Variants in RIMS1 observed in about 807,000 individuals in gnomAD.
RIMS1 encodes regulating synaptic membrane exocytosis 1, also known as regulating synaptic membrane exocytosis protein 1.
A neutral mutation model predicts 214.1 loss-of-function variants in RIMS1; 83 were observed. The observed-to-expected ratio is 0.39, with a 90% CI of 0.32 to 0.47. The LOEUF (loss-of-function observed/expected upper bound fraction) is 0.47, where lower values mean the gene tolerates loss of function less well. Among genes scored for constraint, RIMS1 ranks in the 20% least tolerant of loss-of-function variants. The probability of loss-of-function intolerance (pLI) is 0.99; values close to 1 mark genes in which losing one functional copy is unlikely to be tolerated. For missense variants in RIMS1, 2,050 were observed against 2,161.8 expected (o/e 0.95, Z 1.03); for synonymous variants, 793 against 786.8 (o/e 1.01, Z -0.13).
At chr6:72,309,472 T>G (rs2095404292) in intron 27 of RIMS1, among the ~76,000 whole-genome samples, 1 of 152,126 alleles carries the variant, frequency 6.6e-6, no homozygotes, top group Non-Finnish European at 1.5e-5. Flanking sequence ...ATTTGGGACT[T>G]AGGGTATGAC....
At chr6:72,101,941 T>C (rs2033690397) in intron 4 of RIMS1, among the ~76,000 whole-genome samples, 1 of 152,006 alleles carries the variant, frequency 6.6e-6, no homozygotes, top group Non-Finnish European at 1.5e-5. Flanking sequence ...TATGTAATGG[T>C]TGATAAAAGA....
intron 1 of RIMS1, among the ~76,000 whole-genome samples, chr6:71,938,575 A>G (rs1396438804): frequency 6.6e-6 from 1 of 152,074 alleles, no homozygotes; most frequent in Admixed American, 6.5e-5. Flanking sequence ...CCACACCTGG[A>G]CATGCATGAG....
At chr6:71,943,421 C>T (rs564080864) in intron 1 of RIMS1, among the ~76,000 whole-genome samples, 3 of 152,148 alleles carry the variant, frequency 2.0e-5, no homozygotes, top group African/African-American at 4.8e-5. Flanking sequence ...ACTCATCATT[C>T]TGAGTGGGTT....
chr6:72,028,559 G>T (rs1182404335), intron 2 of RIMS1, among the ~76,000 whole-genome samples: 1 of 152,138 alleles, frequency 6.6e-6, no homozygotes, highest in African/African-American at 2.4e-5. Context: ...GATGGAAAAT[G>T]AAATGCTTCC....
chr6:71,924,273 A>G (rs971925291), intron 1 of RIMS1, among the ~76,000 whole-genome samples: 5 of 152,290 alleles, frequency 3.3e-5, no homozygotes, highest in Admixed American at 2.6e-4. Flanking sequence ...AAGATTCACT[A>G]TTTAAAAAAG....
At chr6:72,115,563 A>G (rs1399569298) in intron 4 of RIMS1, among the ~76,000 whole-genome samples, 1 of 151,950 alleles carries the variant, frequency 6.6e-6, no homozygotes, top group Admixed American at 6.6e-5. Flanking sequence ...ATTATTCCAT[A>G]ATAAGTTACC....
At chr6:72,320,985 C>G (rs1165187056) in intron 28 of RIMS1, among the ~76,000 whole-genome samples, 1 of 151,756 alleles carries the variant, frequency 6.6e-6, no homozygotes, top group South Asian at 2.1e-4. Context: ...ATATGATTAC[C>G]TTGATTTCAG....
At chr6:72,055,124 T>TTTTCATCATGAAAATAATA (rs1174923744) in intron 2 of RIMS1, among the ~76,000 whole-genome samples, 1 of 152,158 alleles carries the variant, frequency 6.6e-6, no homozygotes, top group Non-Finnish European at 1.5e-5. Context: ...CCCTCTATTA[T>TTTTCATCATGAAAATAATA]TTTCATCATG....
At chr6:72,239,552 A>G (rs111286103) in intron 9 of RIMS1, among the ~76,000 whole-genome samples, 1,696 of 152,316 alleles carry the variant, frequency 0.011, 10 homozygotes, top group Non-Finnish European at 0.017. Flanking sequence ...TTGCATATAA[A>G]CATCCTTAGC....
At chr6:71,887,410 C>T (rs563095756) in intron 1 of RIMS1, among the ~76,000 whole-genome samples, 5 of 152,174 alleles carry the variant, frequency 3.3e-5, no homozygotes, top group Non-Finnish European at 7.4e-5. Flanking sequence ...AACCCAAAGG[C>T]CGGGGGAGGA....
intron 4 of RIMS1, among the ~76,000 whole-genome samples, chr6:72,144,258 A>G (rs1294155008): frequency 6.6e-6 from 1 of 152,196 alleles, no homozygotes; most frequent in Non-Finnish European, 1.5e-5. Context: ...CAATGCCTCA[A>G]TGGTTCTGAA....
At chr6:72,286,162 A>G (rs879335280) in intron 24 of RIMS1, among the ~76,000 whole-genome samples, 83 of 151,380 alleles carry the variant, frequency 5.5e-4, no homozygotes, top group Non-Finnish European at 9.9e-4. Context: ...GCGCCATTGC[A>G]CTCCAGCCTG....
intron 4 of RIMS1, among the ~76,000 whole-genome samples, chr6:72,112,300 C>T (rs2153821090): frequency 6.6e-6 from 1 of 152,074 alleles, no homozygotes; most frequent in African/African-American, 2.4e-5. Context: ...CCTAATTGGC[C>T]TTTCCTTCTC....
intron 1 of RIMS1, among the ~76,000 whole-genome samples, chr6:71,945,419 T>A (rs993489743): frequency 6.6e-6 from 1 of 152,090 alleles, no homozygotes; most frequent in African/African-American, 2.4e-5. Context: ...TGCCTGTGTG[T>A]CCCTTTCATT....
chr6:72,380,569 T>A (rs914474554), intron 29 of RIMS1, among the ~76,000 whole-genome samples: 5 of 152,062 alleles, frequency 3.3e-5, no homozygotes, highest in African/African-American at 1.2e-4. Context: ...CAAAGAAGAG[T>A]AAAGAAAACG....
At chr6:72,173,459 G>T in intron 4 of RIMS1, among the ~76,000 whole-genome samples, 1 of 150,418 alleles carries the variant, frequency 6.6e-6, no homozygotes, top group Non-Finnish European at 1.5e-5. Context: ...TATTTCATGT[G>T]TTTTATCTCT....
intron 2 of RIMS1, among the ~76,000 whole-genome samples, chr6:72,071,727 G>T (rs944960148): frequency 2.6e-5 from 4 of 152,108 alleles, no homozygotes; most frequent in Non-Finnish European, 5.9e-5. Flanking sequence ...ATAAGGAATA[G>T]AAAGACTACA....
chr6:72,177,915 T>C (rs1478210575), intron 4 of RIMS1, among the ~76,000 whole-genome samples: 2 of 152,232 alleles, frequency 1.3e-5, no homozygotes, highest in Non-Finnish European at 2.9e-5. Flanking sequence ...TAATAGATTT[T>C]GTAAAATATA....
intron 6 of RIMS1, among the ~76,000 whole-genome samples, chr6:72,194,505 C>A (rs1321368303): frequency 6.6e-6 from 1 of 152,020 alleles, no homozygotes; most frequent in Non-Finnish European, 1.5e-5. Context: ...AAAAAATATG[C>A]TTCCTACTCT....
Sources: allele counts gnomAD v4.1 joint callset (sites outside exome capture counted in the v4.1 genomes callset), GRCh38; gene constraint gnomAD v4.1.1; transcripts MANE v1.5; gene names NCBI Gene and HGNC (gene_info 2026-07-23, HGNC 2026-07-21).